The following ADGRL3 variants were observed in gnomAD, a reference collection of about 807,000 sequenced individuals.
ADGRL3 encodes the protein calcium-independent alpha-latrotoxin receptor 3.
A neutral mutation model predicts 153.5 loss-of-function variants in ADGRL3; 62 were observed. That is an observed-to-expected ratio of 0.40 (90% CI 0.33 to 0.50). ADGRL3 has a LOEUF of 0.50. ADGRL3 is among the 20% of genes least tolerant of loss of function. The pLI, the probability that ADGRL3 is intolerant of heterozygous loss-of-function variation, is 0.47. For synonymous variants in ADGRL3, 710 were observed against 672.5 expected (o/e 1.06, Z -0.86); for missense variants, 1,641 against 1,859.4 (o/e 0.88, Z 2.16).
intron 13 of ADGRL3, among the ~76,000 whole-genome samples, chr4:61,928,881 G>C (rs2098805724): frequency 6.6e-6 from 1 of 152,040 alleles, no homozygotes; most frequent in Non-Finnish European, 1.5e-5. Flanking sequence ...GATAATAAAA[G>C]TAACTTACCT....
At chr4:62,011,937 T>G (rs1380327788) in intron 21 of ADGRL3, among the ~76,000 whole-genome samples, 1 of 151,900 alleles carries the variant, frequency 6.6e-6, no homozygotes, top group Non-Finnish European at 1.5e-5. Flanking sequence ...AGGAATACAT[T>G]TTTTTTTCCT....
At chr4:61,293,005 C>T (rs1002957107) in intron 1 of ADGRL3, among the ~76,000 whole-genome samples, 4 of 152,124 alleles carry the variant, frequency 2.6e-5, no homozygotes, top group Non-Finnish European at 5.9e-5. Context: ...TCAGGTTAAT[C>T]GTCGTCTTTG....
intron 1 of ADGRL3, among the ~76,000 whole-genome samples, chr4:61,251,867 CT>C (rs374884124): frequency 1.6e-4 from 21 of 135,336 alleles, no homozygotes; most frequent in Admixed American, 4.4e-4. Flanking sequence ...TCCTAAGATT[CT>C]TTTTTTTTTT....
At position 61,208,636 on chromosome 4, in the gene ADGRL3, G is replaced by A. The variant is rs535047967; in HGVS notation, c.-240+6871G>A. ...TCTCACACTTTAGAACTCATGAAGGGTTATTAGCATTTTTTAGAGGAAGAA... is the reference window on the plus strand; with the variant it reads ...TCTCACACTTTAGAACTCATGAAGGATTATTAGCATTTTTTAGAGGAAGAA... On this transcript the variant is annotated intron_variant, in intron 1 of 26. Transcript: ENST00000683033. Among the ~76,000 whole-genome samples, 40 of 152,076 alleles carry A rather than the reference G, an allele frequency of 2.6e-4. 1 individual carries two copies. The highest frequency in any genetic ancestry group is 4.4e-4 in the Non-Finnish European group (30 of 68,006).
chr4:62,054,594 A>T (rs919691873), intron 25 of ADGRL3, among the ~76,000 whole-genome samples: 1 of 151,666 alleles, frequency 6.6e-6, no homozygotes, highest in African/African-American at 2.4e-5. Context: ...TAGATTAAAG[A>T]GGGAGTTTTT....
chr4:62,019,319 T>C (rs1221151824), intron 21 of ADGRL3, among the ~76,000 whole-genome samples: 2 of 152,110 alleles, frequency 1.3e-5, no homozygotes, highest in African/African-American at 4.8e-5. Flanking sequence ...TGGATAATTG[T>C]CATGTAGTCA....
chr4:61,396,216 C>T (rs1453375108), intron 2 of ADGRL3, among the ~76,000 whole-genome samples: 3 of 151,788 alleles, frequency 2.0e-5, no homozygotes, highest in Non-Finnish European at 4.4e-5. Flanking sequence ...AGAAAGTGAA[C>T]TTTTAACAAA....
chr4:61,325,049 C>A (rs890508490), intron 1 of ADGRL3, among the ~76,000 whole-genome samples: 2 of 152,144 alleles, frequency 1.3e-5, no homozygotes, highest in Admixed American at 6.6e-5. Flanking sequence ...CGCAGTGGCT[C>A]ATGCCTATAA....
chr4:61,785,580 C>T (rs1170786078), intron 8 of ADGRL3, among the ~76,000 whole-genome samples: 1 of 152,128 alleles, frequency 6.6e-6, no homozygotes, highest in Non-Finnish European at 1.5e-5. Flanking sequence ...GGGGTAACTG[C>T]AAGTCTTCTT....
intron 1 of ADGRL3, among the ~76,000 whole-genome samples, chr4:61,238,189 A>G (rs1753557938): frequency 6.6e-6 from 1 of 152,288 alleles, no homozygotes; most frequent in East Asian, 1.9e-4. Context: ...TAAGTACTGC[A>G]GCAAATAGAA....
intron 25 of ADGRL3, among the ~76,000 whole-genome samples, chr4:62,056,316 T>C (rs1736957345): frequency 2.0e-5 from 3 of 151,868 alleles, no homozygotes; most frequent in African/African-American, 7.2e-5. Flanking sequence ...TTTTTCAGTT[T>C]TCTTGTTTAT....
In ADGRL3 at chr4:61,905,572, C is replaced by G. The variant is rs189853457; in HGVS notation, c.1888-3988C>G. On this transcript the variant is annotated intron_variant, in intron 11 of 26. Transcript: ENST00000683033. ...CCATATTTTACAAATTTATTATACT[C>G]AGTCCTGATATTTTCTATTTTAAGA... Among the ~76,000 whole-genome samples the G allele has an allele frequency of 2.3e-3, 346 of 152,176 alleles. 1 individual carries two copies. The highest frequency in any genetic ancestry group is 4.1e-3 in the Non-Finnish European group (279 of 68,000).
chr4:61,925,216 A>G (rs972370990), intron 13 of ADGRL3, among the ~76,000 whole-genome samples: 2 of 152,158 alleles, frequency 1.3e-5, no homozygotes, highest in Admixed American at 6.5e-5. Flanking sequence ...TATTTTTGAA[A>G]CTAAGGAAAA....
chr4:61,299,561 CTT>C (rs1052959350), intron 1 of ADGRL3, among the ~76,000 whole-genome samples: 2 of 152,146 alleles, frequency 1.3e-5, no homozygotes, highest in Non-Finnish European at 2.9e-5. Flanking sequence ...CTGCTGAACA[CTT>C]TACATCTTTG....
intron 5 of ADGRL3, among the ~76,000 whole-genome samples, chr4:61,669,920 A>G (rs528195756): frequency 1.3e-5 from 2 of 152,342 alleles, no homozygotes; most frequent in South Asian, 2.1e-4. Context: ...AGAATGTGAT[A>G]AACATTCATG....
chr4:61,296,564 A>G (rs2094420829), intron 1 of ADGRL3, among the ~76,000 whole-genome samples: 1 of 152,210 alleles, frequency 6.6e-6, no homozygotes. Flanking sequence ...CACAGTATGG[A>G]TAATAGATAC....
chr4:61,862,278 T>C (rs1581192474), intron 9 of ADGRL3, among the ~76,000 whole-genome samples: 2 of 152,044 alleles, frequency 1.3e-5, no homozygotes, highest in South Asian at 2.1e-4. Context: ...CAAAAGAACA[T>C]TGGGAAGAAG....
At chr4:61,474,745 C>G (rs571747037) in intron 2 of ADGRL3, among the ~76,000 whole-genome samples, 5 of 152,184 alleles carry the variant, frequency 3.3e-5, no homozygotes, top group African/African-American at 1.2e-4. Context: ...GCACATATAT[C>G]TCAAAGCTTT....
intron 5 of ADGRL3, among the ~76,000 whole-genome samples, chr4:61,606,663 G>A (rs1315171088): frequency 6.6e-6 from 1 of 152,154 alleles, no homozygotes; most frequent in Non-Finnish European, 1.5e-5. Flanking sequence ...GGAGGTTAGG[G>A]CTTTATTATA....
Sources: gnomAD v4.1 joint callset for allele counts (sites outside exome capture counted in the v4.1 genomes callset) on GRCh38, gnomAD v4.1.1 for gene constraint, MANE v1.5 for transcripts, NCBI Gene and HGNC (gene_info 2026-07-23, HGNC 2026-07-21) for gene names.